Variants in HK1 observed in about 807,000 individuals in gnomAD.
The protein encoded by HK1 is hexokinase-1.
In HK1, 28 loss-of-function variants were observed where a neutral mutation model predicts 91.6. That is an observed-to-expected ratio of 0.31 (90% CI 0.23 to 0.42). HK1 has a LOEUF of 0.42. Among genes scored for constraint, HK1 ranks in the 10% least tolerant of loss-of-function variants. The pLI is 1.00. For synonymous variants in HK1, 430 were observed against 468.1 expected, an observed-to-expected ratio of 0.92 and a Z score of 1.05; for missense variants, 770 against 1,219.8, an observed-to-expected ratio of 0.63 and a Z score of 5.49.
chr10:69,283,808 A>AAG (rs1844884546), intron 2 of HK1, among the ~76,000 whole-genome samples: 1 of 144,704 alleles, frequency 6.9e-6, no homozygotes, highest in East Asian at 2.0e-4. Context: ...CAAAAAAAAA[A>AAG]AAAAAAAAAG....
chr10:69,392,007 G>C, intron 14 of HK1, 118 bp from the exon 15 acceptor site: 1 of 912,490 alleles, frequency 1.1e-6, no homozygotes, highest in East Asian at 2.6e-5. Context: ...CTATTACTTT[G>C]TTCATCACAA....
intron 2 of HK1, among the ~76,000 whole-genome samples, chr10:69,345,582 G>C (rs1055710465): frequency 2.0e-5 from 3 of 152,094 alleles, no homozygotes; most frequent in African/African-American, 7.2e-5. Context: ...GCACCCAGGA[G>C]AGCACCTGCT....
chr10:69,368,716 G>C (rs910604424), intron 5 of HK1, 85 bp downstream of exon 5: 1 of 1,059,166 alleles, frequency 9.4e-7, no homozygotes, highest in Non-Finnish European at 1.5e-6. Context: ...TGCCCTTCCT[G>C]GGGGGCAGTA....
intron 3 of HK1, 80 bp from the exon 4 acceptor site, chr10:69,364,703 T>G: frequency 6.5e-7 from 1 of 1,526,968 alleles, no homozygotes; most frequent in Non-Finnish European, 9.1e-7. Context: ...TCTGTGTGTG[T>G]GGGAGGGAAT....
rs1377227688 is a variant in HK1 at position 69,301,780 on chromosome 10, A to G, written c.27+919A>G. On this transcript the variant is annotated intron_variant, in intron 5 of 21. Coordinates refer to the HK1 transcript ENST00000360289. ...GGAAGACACTATTGTTAAGGTGGTA[A>G]ACTCCCCAAATTAATATATAGATTC... Among the ~76,000 whole-genome samples the G allele has an allele frequency of 3.3e-5, 5 of 152,266 alleles. No homozygotes were observed. The South Asian group carries it at 6.2e-4, about 19-fold the overall frequency.
chr10:69,354,605 A>T (rs979214880), intron 2 of HK1, among the ~76,000 whole-genome samples: 2 of 152,028 alleles, frequency 1.3e-5, no homozygotes, highest in African/African-American at 4.8e-5. Flanking sequence ...ACAACTCAAG[A>T]TGAGATTTGG....
At chr10:69,294,699 TA>T (rs1413097991) in intron 3 of HK1, among the ~76,000 whole-genome samples, 22 of 28,228 alleles carry the variant, frequency 7.8e-4, no homozygotes, top group African/African-American at 2.6e-3. Flanking sequence ...CTACTAAAAA[TA>T]CAAAAAAAAT....
At chr10:69,273,675 A>G (rs940238560) in intron 1 of HK1, among the ~76,000 whole-genome samples, 3 of 152,242 alleles carry the variant, frequency 2.0e-5, no homozygotes, top group Non-Finnish European at 4.4e-5. Flanking sequence ...TCCAATAACT[A>G]GTCTTCAAGT....
At position 69,379,989 on chromosome 10, in the gene HK1, G is replaced by A. The variant is rs1589566980; in HGVS notation, c.1159G>A (p.Ala387Thr). 1 of 1,614,200 alleles carries A rather than the reference G, an allele frequency of 6.2e-7. No individual in the cohort carries two copies. Among genetic ancestry groups the A allele is most frequent in the Non-Finnish European group, 8.5e-7 (1 of 1,180,014 alleles). The change falls in exon 9 of 18, where the codon GCT (alanine) becomes ACT (threonine). Residue 387 changes from alanine (A) to threonine (T), a missense_variant. Coordinates refer to ENST00000359426, the MANE Select transcript of HK1 (RefSeq NM_000188.3). ...CTCATTTCGCTCAGCCAACTTGGTG[G>A]CTGCCACACTGGGCGCCATCTTGAA... ...IVSFRSANLVAATLGAILNRL... is the reference protein window; with the variant it reads ...IVSFRSANLVTATLGAILNRL...
chr10:69,363,152 C>T (rs147247926), intron 3 of HK1, among the ~76,000 whole-genome samples: 2 of 152,184 alleles, frequency 1.3e-5, no homozygotes, highest in South Asian at 4.1e-4. Context: ...CAGCCTTCTT[C>T]TGGGTTCCAA....
At chr10:69,342,196 A>AACAAACAAACAC (rs139012850) in intron 1 of HK1, among the ~76,000 whole-genome samples, 6,045 of 151,660 alleles carry the variant, frequency 0.04, 149 homozygotes, top group South Asian at 0.065. Flanking sequence ...CAAACAAACA[A>AACAAACAAACAC]AGGAAAAAAC....
upstream of HK1, among the ~76,000 whole-genome samples, chr10:69,313,959 A>T (rs10998710): frequency 6.6e-6 from 1 of 152,060 alleles, no homozygotes; most frequent in African/African-American, 2.4e-5. Flanking sequence ...GGGCAAATGA[A>T]AGAGAAAAGG....
chr10:69,339,405 G>A (rs1001589293), intron 1 of HK1, among the ~76,000 whole-genome samples: 12 of 152,338 alleles, frequency 7.9e-5, no homozygotes, highest in African/African-American at 2.4e-4. Flanking sequence ...AAATCCAGGA[G>A]GCCCCAGTTT....
chr10:69,278,836 A>T (rs1489579368), intron 1 of HK1: 4 of 151,708 alleles, frequency 2.6e-5, no homozygotes, highest in African/African-American at 7.3e-5. Flanking sequence ...TAAAACAGAG[A>T]TTTGGCTTGG....
Position 69,377,057 on chromosome 10 carries a change from G to GT in HK1, c.1002dup (p.Asn335Ter). 1 of 1,614,204 alleles carries GT rather than the reference G, an allele frequency of 6.2e-7. No individual in the cohort carries two copies. Among genetic ancestry groups the GT allele is most frequent in the African/African-American group, 1.3e-5 (1 of 75,044 alleles). ...CCCCGGAGCTGCTCACCCGAGGGAAGTTTAACACCAGTGATGTGTCAGCCA... is the reference window on the plus strand; with the variant it reads ...CCCCGGAGCTGCTCACCCGAGGGAAGTTTTAACACCAGTGATGTGTCAGCCA... On this transcript the variant is annotated frameshift_variant, in exon 8 of 18. Coordinates refer to ENST00000359426, the MANE Select transcript of HK1 (RefSeq NM_000188.3). LOFTEE classifies it high-confidence loss of function.
At chr10:69,361,778 G>A (rs1000850620) in intron 3 of HK1, among the ~76,000 whole-genome samples, 4 of 152,084 alleles carry the variant, frequency 2.6e-5, no homozygotes, top group Non-Finnish European at 5.9e-5. Flanking sequence ...GGATGATGAC[G>A]ATAATCATGA....
At chr10:69,362,986 A>G (rs528608521) in intron 3 of HK1, among the ~76,000 whole-genome samples, 53 of 152,278 alleles carry the variant, frequency 3.5e-4, no homozygotes, top group African/African-American at 1.2e-3. Context: ...CCGACTTTAG[A>G]GCTGGCTTGG....
Position 69,380,193 on chromosome 10 carries a change from C to A in HK1, c.1265+98C>A. On this transcript the variant is annotated intron_variant, in intron 9 of 17. Transcript: ENST00000359426. The surrounding 1 kb of genome is among the most constrained non-coding windows in gnomAD (Gnocchi z 4.0). ...TTTGTACCCGGTAAACGTTTTTCGG[C>A]AGACAAGACAATGGTGGTCGGGGGC... 1 of 965,846 alleles carries A rather than the reference C, an allele frequency of 1.0e-6. No homozygotes were observed. Among genetic ancestry groups the A allele is most frequent in the Non-Finnish European group, 1.6e-6 (1 of 611,206 alleles). The allele number at this position is 965,846 out of a possible 1,614,324, so 59.8% of individuals were successfully genotyped here. A position where few individuals can be genotyped will look rare whatever the true frequency, so the allele number is the denominator to read the frequency against.
chr10:69,316,035 G>C, upstream of HK1: 1 of 1,607,756 alleles, frequency 6.2e-7, no homozygotes, highest in Non-Finnish European at 8.5e-7. Flanking sequence ...GTGGTCCAGG[G>C]AAGGTTGGCA....
Sources: gnomAD v4.1 joint callset for allele counts (sites outside exome capture counted in the v4.1 genomes callset) on GRCh38, gnomAD v4.1.1 for gene constraint, Gnocchi (gnomAD v3.1) non-coding constraint, MANE v1.5 for transcripts, NCBI Gene and HGNC (gene_info 2026-07-23, HGNC 2026-07-21) for gene names.